IFT74: variants seen among roughly 807,000 people sequenced by gnomAD.
The protein encoded by IFT74 is intraflagellar transport 74, also known as intraflagellar transport protein 74 homolog.
In IFT74, 92 loss-of-function variants were observed where a neutral mutation model predicts 96.7. The observed-to-expected ratio is 0.95, with a 90% CI of 0.80 to 1.13. IFT74 has a LOEUF of 1.13. Among genes scored for constraint, IFT74 ranks in the 50% most tolerant of loss-of-function variants. The pLI, the probability that IFT74 is intolerant of heterozygous loss-of-function variation, is 0.00. For missense variants in IFT74, 811 were observed against 698.2 expected (o/e 1.16, Z -1.82); for synonymous variants, 223 against 213.2 (o/e 1.05, Z -0.40).
At chr9:26,948,493 C>CA (rs1563926566) in intron 1 of IFT74, among the ~76,000 whole-genome samples, 7 of 58,160 alleles carry the variant, frequency 1.2e-4, no homozygotes, top group Non-Finnish European at 2.6e-4. Flanking sequence ...TTTTTTGAGA[C>CA]GGAGTGTCGC....
chr9:27,012,761 G>A lies in IFT74; in HGVS notation c.789+793G>A, dbSNP rs187305038. On this transcript the variant is annotated intron_variant, in intron 10 of 19. Coordinates refer to ENST00000380062, the MANE Select transcript of IFT74 (RefSeq NM_025103.4). ...AGACAGAGTATCGCTCTGTTGCCCA[G>A]GCTGGAGTGCAGTGGTGCGATCTCG... 3.8e-3 allele frequency among the ~76,000 whole-genome samples: 508 copies of A among 132,092 alleles called. 5 individuals are homozygous for A. Among genetic ancestry groups the A allele is most frequent in the African/African-American group, 0.014 (482 of 34,124 alleles). 86.7% of individuals were successfully genotyped at this position (132,092 alleles called of 152,430 possible).
chr9:26,995,956 C>T, intron 8 of IFT74: 1 of 797,034 alleles, frequency 1.3e-6, no homozygotes, highest in Non-Finnish European at 1.9e-6. Context: ...TAAAAATAAA[C>T]ATACATTGTA....
chr9:26,948,363 C>A (rs1032557729), intron 1 of IFT74, among the ~76,000 whole-genome samples: 3 of 150,670 alleles, frequency 2.0e-5, no homozygotes, highest in Non-Finnish European at 4.4e-5. Context: ...TCCAGCCAAT[C>A]CTACACATTA....
chr9:26,955,702 A>ATGTGTAAAATAATGT (rs1351874863), upstream of IFT74: 82 of 152,270 alleles, frequency 5.4e-4, no homozygotes, highest in African/African-American at 1.9e-3. Context: ...GTTGGAAATA[A>ATGTGTAAAATAATGT]TGTGTAAAAT....
intron 12 of IFT74, among the ~76,000 whole-genome samples, chr9:27,026,786 GA>G (rs766163612): frequency 6.6e-5 from 10 of 152,044 alleles, no homozygotes; most frequent in Non-Finnish European, 1.2e-4. Context: ...CAATAATAAT[GA>G]CACAACCTAT....
intron 13 of IFT74, among the ~76,000 whole-genome samples, chr9:27,035,113 TAGC>T (rs1819112461): frequency 6.6e-6 from 1 of 152,218 alleles, no homozygotes; most frequent in Non-Finnish European, 1.5e-5. Context: ...ACATTCATAA[TAGC>T]AGTCAATTTA....
chr9:26,963,070 C>T (rs937207947), intron 2 of IFT74, among the ~76,000 whole-genome samples: 4 of 151,930 alleles, frequency 2.6e-5, no homozygotes, highest in African/African-American at 9.7e-5. Context: ...AACTCGTCAT[C>T]TAGCATTAGG....
Position 27,062,622 on chromosome 9 carries a change from A to G in IFT74, c.1689A>G (p.Ile563Met), listed in dbSNP as rs749340854. Residue 563 changes from isoleucine to methionine, a missense_variant, in exon 20 of 20, where the codon ATA becomes ATG. Coordinates refer to ENST00000380062, the MANE Select transcript of IFT74 (RefSeq NM_025103.4). ...CCCCTTAACTCATGTAATTAGTCAT[A>G]GCAACCAAGAGTCAAGAGAGTGATT... The part of the protein sequence containing the change: ...EQNNFAMKEF[I>M]ATKSQESDYQ... The G allele has an allele frequency of 3.8e-6, 6 of 1,567,126 alleles. No individual in the cohort carries two copies. The East Asian group carries it at 1.4e-4, about 35-fold the overall frequency.
chr9:26,968,135 T>C (rs952537780), intron 2 of IFT74, among the ~76,000 whole-genome samples: 3 of 151,842 alleles, frequency 2.0e-5, no homozygotes, highest in Non-Finnish European at 2.9e-5. Flanking sequence ...TTTTCTCCTC[T>C]TCTATTTCTC....
At chr9:26,952,670 G>C (rs1294059079), upstream of IFT74, among the ~76,000 whole-genome samples, 1 of 152,176 alleles carries the variant, frequency 6.6e-6, no homozygotes, top group African/African-American at 2.4e-5. Context: ...TAACCACCCA[G>C]TTTTCCTCTC....
At chr9:27,027,295 G>A (rs535901127) in intron 12 of IFT74, among the ~76,000 whole-genome samples, 17 of 151,950 alleles carry the variant, frequency 1.1e-4, no homozygotes, top group African/African-American at 3.4e-4. Context: ...GACCATTAAC[G>A]AGCAGTGAGA....
Position 26,956,437 on chromosome 9 carries a change from A to G in IFT74, c.-99A>G, listed in dbSNP as rs1179878805. 2 of 152,252 alleles carry G rather than the reference A, an allele frequency of 1.3e-5. No homozygotes were observed. The highest frequency in any genetic ancestry group is 2.4e-5 in the African/African-American group (1 of 41,470). The allele number at this position is 152,252 out of a possible 1,614,324, so 9.4% of individuals were successfully genotyped here. A position where few individuals can be genotyped will look rare whatever the true frequency, so the allele number is the denominator to read the frequency against. Reference sequence around the variant, plus strand: ...AGTTAGTGGGTAGGCCTGAGAGCCGAGGAAAACTGAGCGTGGGCCTCAGAA... The same window carrying G: ...AGTTAGTGGGTAGGCCTGAGAGCCGGGGAAAACTGAGCGTGGGCCTCAGAA... On this transcript the variant is annotated 5_prime_UTR_variant, in exon 1 of 20. Coordinates refer to ENST00000380062, the MANE Select transcript of IFT74 (RefSeq NM_025103.4).
rs1462294585 is a variant in IFT74 at position 27,019,733 on chromosome 9, A to G, written c.974+1046A>G. Among the ~76,000 whole-genome samples, 8 of 151,784 alleles carry G rather than the reference A, an allele frequency of 5.3e-5. No individual in the cohort carries two copies. In the East Asian group the frequency reaches 7.8e-4, roughly 15 times the overall value. On this transcript the variant is annotated intron_variant, in intron 12 of 19. Transcript: ENST00000380062. The stretch of plus-strand genomic sequence containing the variant: ...TTTTATTATCATGAGTCATGCTCCT[A>G]TAAACATCCATGTACAAGTTTTTGT...
chr9:27,009,107 A>T lies in IFT74; in HGVS notation c.675A>T (p.Glu225Asp), dbSNP rs1828929498. The change falls in exon 9 of 20, where the codon GAA becomes GAT. Residue 225 changes from glutamate (E) to aspartate (D), a missense_variant. Coordinates refer to ENST00000380062, the MANE Select transcript of IFT74 (RefSeq NM_025103.4). ...ACATTATCAAAAATATGTCTTTTGA[A>T]AACCAAGTCAAGTACCTAGAGATGA... is the stretch of plus-strand genomic sequence containing the variant. ...TDDIIKNMSF[E>D]NQVKYLEMKT... 4 of 1,613,228 alleles carry T rather than the reference A, an allele frequency of 2.5e-6. No homozygotes were observed. The East Asian group carries it at 8.9e-5, about 36-fold the overall frequency.
At position 26,962,058 on chromosome 9, in the gene IFT74, CT is replaced by C. The variant is rs2131480409; in HGVS notation, c.92del (p.Leu31HisfsTer25). 6.2e-7 allele frequency: 1 copy of C among 1,614,152 alleles called. No homozygotes were observed. Among genetic ancestry groups the C allele is most frequent in the Non-Finnish European group, 8.5e-7 (1 of 1,180,024 alleles). ...TGRPPSGIRPLSGNIRVATAM... is the reference protein window; with the variant it reads ...TGRPPSGIRPXSGNIRVATAM... ...AAGGCCTCCTTCTGGGATACGACCCCTATCAGGAAATATTCGAGTGGCAACT... is the reference window on the plus strand; with the variant it reads ...AAGGCCTCCTTCTGGGATACGACCCCATCAGGAAATATTCGAGTGGCAACT... On this transcript the variant is annotated frameshift_variant, in exon 2 of 20. Coordinates refer to ENST00000380062, the MANE Select transcript of IFT74 (RefSeq NM_025103.4). LOFTEE classifies it high-confidence loss of function.
intron 13 of IFT74, among the ~76,000 whole-genome samples, chr9:27,031,275 G>A (rs533675590): frequency 6.6e-6 from 1 of 152,022 alleles, no homozygotes; most frequent in Non-Finnish European, 1.5e-5. Context: ...TCAGGAGATC[G>A]AGACCACGGT....
intron 4 of IFT74, among the ~76,000 whole-genome samples, chr9:26,983,349 T>G (rs1270889774): frequency 6.6e-6 from 1 of 152,226 alleles, no homozygotes; most frequent in Non-Finnish European, 1.5e-5. Flanking sequence ...CATCAAAGAA[T>G]AGTTCTAGCT....
intron 3 of IFT74, 135 bp downstream of exon 3, chr9:26,978,398 A>G: frequency 1.3e-6 from 1 of 796,298 alleles, no homozygotes; most frequent in East Asian, 3.0e-5. Flanking sequence ...TTAAATCAGG[A>G]TTATAGCATG....
At chr9:27,013,383 C>G (rs1001513264) in intron 10 of IFT74, among the ~76,000 whole-genome samples, 1 of 152,150 alleles carries the variant, frequency 6.6e-6, no homozygotes, top group Non-Finnish European at 1.5e-5. Context: ...AAACAATACT[C>G]CTGTGAAAGC....
Sources: gnomAD v4.1 joint callset for allele counts (sites outside exome capture counted in the v4.1 genomes callset) on GRCh38, gnomAD v4.1.1 for gene constraint, MANE v1.5 for transcripts, NCBI Gene and HGNC (gene_info 2026-07-23, HGNC 2026-07-21) for gene names.